The following UFSP2 variants were observed in gnomAD, a reference collection of about 807,000 sequenced individuals.
UFSP2 encodes the protein UFM1 specific peptidase 2.
A neutral mutation model predicts 60.2 loss-of-function variants in UFSP2; 43 were observed. The ratio of observed to expected loss-of-function variants is 0.71; its 90% confidence interval spans 0.56 to 0.92. UFSP2 has a LOEUF of 0.92. UFSP2 is among the 40% of genes least tolerant of loss of function. The probability of loss-of-function intolerance (pLI) is 0.00; values close to 1 mark genes in which losing one functional copy is unlikely to be tolerated. For missense variants in UFSP2, 520 were observed against 575.0 expected (o/e 0.90, Z 0.98); for synonymous variants, 183 against 195.1 (o/e 0.94, Z 0.52).
chr4:185,415,767 T>C lies in UFSP2; in HGVS notation c.434A>G (p.Asn145Ser), dbSNP rs1295450855. Reference sequence around the variant, plus strand: ...AACTGCATCGACAGGTAAAGTCATATTAACATAATGGTGTCCTCCGCTTTC... The same window carrying C: ...AACTGCATCGACAGGTAAAGTCATACTAACATAATGGTGTCCTCCGCTTTC... The part of the protein sequence containing the change: ...ERESGGHHYV[N>S]MTLPVDAVIS... The change falls in exon 5 of 12, where the codon AAT becomes AGT. Residue 145 changes from asparagine (N) to serine (S), a missense_variant. By Grantham distance (46) the Asn-to-Ser change is conservative. Transcript: ENST00000264689. The C allele has an allele frequency of 4.3e-6, 7 of 1,613,870 alleles. No homozygotes were observed. Among genetic ancestry groups the C allele is most frequent in the Non-Finnish European group, 5.1e-6 (6 of 1,179,802 alleles).
At chr4:185,410,630 C>A (rs555815891) in intron 7 of UFSP2, among the ~76,000 whole-genome samples, 78 of 135,250 alleles carry the variant, frequency 5.8e-4, no homozygotes, top group Middle Eastern at 6.1e-3. Flanking sequence ...CCTGGGCAAC[C>A]GAGCAAGACT....
intron 4 of UFSP2, among the ~76,000 whole-genome samples, chr4:185,416,726 C>T (rs907078467): frequency 8.5e-5 from 13 of 152,204 alleles, no homozygotes; most frequent in African/African-American, 3.1e-4. Flanking sequence ...GTAGGAAGTG[C>T]CCAAAATTAC....
At chr4:185,415,466 GGA>G (rs756339266) in intron 5 of UFSP2, 119 bp from the exon 6 acceptor site, 4 of 916,450 alleles carry the variant, frequency 4.4e-6, no homozygotes, top group Non-Finnish European at 6.2e-6. Context: ...GTTTGCTAAA[GGA>G]AGTCTGAATT....
At chr4:185,416,321 A>C (rs932791518) in intron 4 of UFSP2, among the ~76,000 whole-genome samples, 1 of 152,244 alleles carries the variant, frequency 6.6e-6, no homozygotes, top group Non-Finnish European at 1.5e-5. Flanking sequence ...AATGTTTAGA[A>C]AATCAAATTA....
At position 185,415,226 on chromosome 4, in the gene UFSP2, C is replaced by G; in HGVS notation, c.613G>C (p.Gly205Arg). 1 of 1,603,998 alleles carries G rather than the reference C, an allele frequency of 6.2e-7. No homozygotes were observed. Among genetic ancestry groups the G allele is most frequent in the Non-Finnish European group, 8.5e-7 (1 of 1,177,672 alleles). Residue 205 changes from glycine (G) to arginine (R), a missense_variant, in exon 6 of 12, where the codon GGG (glycine) becomes CGG (arginine). Gly to Arg is a moderately radical substitution (Grantham distance 125). Transcript: ENST00000264689. ...VPEPLHFLLP[G>R]KKNLVTISYP... ...GAAATTGTTACAAGATTTTTTTTCC[C>G]TGGTAATAAAAAGTGCAGTGGTTCA...
chr4:185,399,656 A>T lies in UFSP2; in HGVS notation c.*736T>A. The T allele has an allele frequency of 6.2e-7, 1 of 1,614,182 alleles. No individual in the cohort carries two copies. The highest frequency in any genetic ancestry group is 8.5e-7 in the Non-Finnish European group (1 of 1,180,024). ...TGTGCCAAGTTTCTTACAACAATTA[A>T]ATGTATGCAGACAATAAAAGCAAGT... On this transcript the variant is annotated 3_prime_UTR_variant, in exon 12 of 12. Transcript: ENST00000264689.
rs1364439719 is a variant in UFSP2, at chr4:185,408,264, T to G, written c.996+7A>C. ...TTGATTATAATTTAAAACGGTATGTTCTGTACCTGCTGAATTTCTCTGTGT... is the reference window on the plus strand; with the variant it reads ...TTGATTATAATTTAAAACGGTATGTGCTGTACCTGCTGAATTTCTCTGTGT... On this transcript the variant is annotated splice_region_variant and intron_variant, in intron 8 of 11. Transcript: ENST00000264689. 1.9e-6 allele frequency: 3 copies of G among 1,613,534 alleles called. No individual in the cohort carries two copies. The highest frequency in any genetic ancestry group is 2.5e-6 in the Non-Finnish European group (3 of 1,179,610).
chr4:185,418,523 A>G lies in UFSP2; in HGVS notation c.267-16T>C. ...TGGCTCAAATCTAAATTTTTAATAC[A>G]CAGACATTTATAATATGAAATGATG... On this transcript the variant is annotated splice_polypyrimidine_tract_variant and intron_variant, in intron 3 of 11. Transcript: ENST00000264689. The G allele has an allele frequency of 6.2e-7, 1 of 1,610,798 alleles. No individual in the cohort carries two copies. The highest frequency in any genetic ancestry group is 1.1e-5 in the South Asian group (1 of 90,268).
chr4:185,423,131 T>C (rs1410506436), intron 1 of UFSP2, among the ~76,000 whole-genome samples: 1 of 152,218 alleles, frequency 6.6e-6, no homozygotes, highest in Non-Finnish European at 1.5e-5. Flanking sequence ...AGTGCTGGGA[T>C]TGCAGGCGTG....
chr4:185,401,975 T>C (rs1293688889), intron 11 of UFSP2, among the ~76,000 whole-genome samples: 7 of 152,234 alleles, frequency 4.6e-5, no homozygotes, highest in Non-Finnish European at 1.0e-4. Context: ...CTGACTGAGC[T>C]TGGTGTGTCC....
intron 2 of UFSP2, among the ~76,000 whole-genome samples, chr4:185,420,388 G>A (rs1017827390): frequency 6.6e-6 from 1 of 152,138 alleles, no homozygotes; most frequent in Non-Finnish European, 1.5e-5. Flanking sequence ...AGAAGATATA[G>A]TCAAAGAAGA....
chr4:185,403,413 T>C (rs1240140802), intron 11 of UFSP2, 81 bp downstream of exon 11: 4 of 1,549,344 alleles, frequency 2.6e-6, no homozygotes, highest in African/African-American at 1.4e-5. Flanking sequence ...GCTTATTGTC[T>C]TTCTGTTACC....
chr4:185,415,349 TG>T lies in UFSP2; in HGVS notation c.492-3del. The T allele has an allele frequency of 6.4e-7, 1 of 1,568,880 alleles. No individual in the cohort carries two copies. The highest frequency in any genetic ancestry group is 8.6e-7 in the Non-Finnish European group (1 of 1,166,864). On this transcript the variant is annotated splice_region_variant and splice_polypyrimidine_tract_variant and intron_variant, in intron 5 of 11. Coordinates refer to ENST00000264689, the MANE Select transcript of UFSP2 (RefSeq NM_018359.5). ...GCATCAACCAGGAGTTTACGAACTC[TG>T]TGGGGGGAAATATATAAGTGTATTA...
chr4:185,418,069 A>ACACACACACACACACACACACACAC (rs1422329406), intron 4 of UFSP2, among the ~76,000 whole-genome samples: 1 of 22,780 alleles, frequency 4.4e-5, no homozygotes, highest in African/African-American at 1.9e-4. Context: ...CACACACACA[A>ACACACACACACACACACACACACAC]ACAACAGAAC....
Position 185,402,355 on chromosome 4 carries a change from G to GA in UFSP2, c.1323+1138dup, listed in dbSNP as rs1489111650. The GA allele has an allele frequency of 6.8e-6, 3 of 444,350 alleles. No individual in the cohort carries two copies. The East Asian group carries it at 2.1e-4, about 31-fold the overall frequency. 27.5% of individuals were successfully genotyped at this position (444,350 alleles called of 1,614,324 possible). A position where few individuals can be genotyped will look rare whatever the true frequency, so the allele number is the denominator to read the frequency against. On this transcript the variant is annotated intron_variant, in intron 11 of 11. Coordinates refer to ENST00000264689, the MANE Select transcript of UFSP2 (RefSeq NM_018359.5). ...TTCAAATTCCAAATGCTGTGAAAGA[G>GA]AAAAGGAAAAAAAAACACTTAAAAC...
At position 185,407,925 on chromosome 4, in the gene UFSP2, A is replaced by C; in HGVS notation, c.1121+11T>G. The C allele has an allele frequency of 6.2e-7, 1 of 1,606,902 alleles. No individual in the cohort carries two copies. The highest frequency in any genetic ancestry group is 8.5e-7 in the Non-Finnish European group (1 of 1,177,372). ...TGAAATGATTTATCTAATTTCTTAA[A>C]GTGTGCTTACCTGACAAACAGGATT... On this transcript the variant is annotated intron_variant, in intron 9 of 11. Coordinates refer to ENST00000264689, the MANE Select transcript of UFSP2 (RefSeq NM_018359.5).
At chr4:185,407,901 G>A (rs761242290) in intron 9 of UFSP2, 35 bp downstream of exon 9, 1 of 1,581,078 alleles carries the variant, frequency 6.3e-7, no homozygotes, top group South Asian at 1.2e-5. Context: ...CTGTCACTTT[G>A]AAATGATTTA....
intron 4 of UFSP2, among the ~76,000 whole-genome samples, chr4:185,417,267 C>T (rs1047563066): frequency 6.6e-6 from 1 of 152,206 alleles, no homozygotes; most frequent in Admixed American, 6.5e-5. Flanking sequence ...AAAGAACTCA[C>T]CTGTACCCCT....
chr4:185,422,791 T>C (rs1265738004), intron 1 of UFSP2, among the ~76,000 whole-genome samples: 1 of 152,216 alleles, frequency 6.6e-6, no homozygotes, highest in Non-Finnish European at 1.5e-5. Flanking sequence ...CCTGGGGAGC[T>C]TGAAATACTG....
Sources: allele counts gnomAD v4.1 joint callset (sites outside exome capture counted in the v4.1 genomes callset), GRCh38; gene constraint gnomAD v4.1.1; transcripts MANE v1.5; gene names NCBI Gene and HGNC (gene_info 2026-07-23, HGNC 2026-07-21).